The following SLC36A4 variants were observed in gnomAD, a reference collection of about 807,000 sequenced individuals.
The protein encoded by SLC36A4 is neutral amino acid uniporter 4.
A neutral mutation model predicts 50.5 loss-of-function variants in SLC36A4; 49 were observed. That is an observed-to-expected ratio of 0.97 (90% CI 0.77 to 1.23). The LOEUF (loss-of-function observed/expected upper bound fraction) is 1.23, where lower values mean the gene tolerates loss of function less well. Among genes scored for constraint, SLC36A4 ranks in the 50% most tolerant of loss-of-function variants. The pLI is 0.00. For missense variants in SLC36A4, 611 were observed against 608.4 expected, an observed-to-expected ratio of 1.00 and a Z score of -0.05; for synonymous variants, 207 against 206.5, an observed-to-expected ratio of 1.00 and a Z score of -0.02.
intron 2 of SLC36A4, 69 bp downstream of exon 2, chr11:93,185,622 C>T (rs1379385849): frequency 2.9e-6 from 4 of 1,377,000 alleles, no homozygotes; most frequent in African/African-American, 1.5e-5. Context: ...AATGTCTTGC[C>T]TGTAGAAGAA....
chr11:93,171,636 T>C (rs1394179990), intron 6 of SLC36A4: 46 of 152,088 alleles, frequency 3.0e-4, no homozygotes, highest in Non-Finnish European at 1.2e-4. Context: ...ATAGAGCTTG[T>C]AACTCCTTGA....
intron 6 of SLC36A4, among the ~76,000 whole-genome samples, chr11:93,173,023 T>A (rs1416221083): frequency 7.0e-6 from 1 of 143,734 alleles, no homozygotes; most frequent in Non-Finnish European, 1.5e-5. Context: ...ATCGCCACAC[T>A]GACTTCCACA....
At chr11:93,173,226 T>A (rs1236578362) in intron 6 of SLC36A4, among the ~76,000 whole-genome samples, 1 of 150,232 alleles carries the variant, frequency 6.7e-6, no homozygotes, top group Non-Finnish European at 1.5e-5. Context: ...ATGTGTTTTT[T>A]GGCTGCATAA....
At chr11:93,148,959 T>A in intron 10 of SLC36A4, 115 bp from the exon 11 acceptor site, 1 of 1,089,886 alleles carries the variant, frequency 9.2e-7, no homozygotes, top group East Asian at 2.6e-5. Context: ...TAATGAAAGT[T>A]GAACTACTAA....
At chr11:93,155,655 G>A (rs1340265993) in intron 9 of SLC36A4, among the ~76,000 whole-genome samples, 1 of 152,004 alleles carries the variant, frequency 6.6e-6, no homozygotes, top group African/African-American at 2.4e-5. Flanking sequence ...GGGGCTTGTT[G>A]TACAGATTAT....
intron 9 of SLC36A4, chr11:93,159,884 T>G: frequency 1.0e-6 from 1 of 985,414 alleles, no homozygotes; most frequent in Non-Finnish European, 1.2e-6. Context: ...TTTGCCAATC[T>G]GTACCAAAAG....
chr11:93,169,411 C>A (rs75973778), intron 6 of SLC36A4, among the ~76,000 whole-genome samples: 6,307 of 152,154 alleles, frequency 0.041, 186 homozygotes, highest in South Asian at 0.098. Flanking sequence ...GAGGGCCCTG[C>A]CCAAGCGGTC....
intron 3 of SLC36A4, 53 bp from the exon 4 acceptor site, chr11:93,182,947 T>A: frequency 1.5e-6 from 2 of 1,292,588 alleles, no homozygotes; most frequent in Non-Finnish European, 2.2e-6. Flanking sequence ...AATTGAGTAA[T>A]CTTATAAGCA....
At chr11:93,178,381 A>G (rs1590969938) in intron 6 of SLC36A4, among the ~76,000 whole-genome samples, 1 of 151,708 alleles carries the variant, frequency 6.6e-6, no homozygotes, top group Non-Finnish European at 1.5e-5. Flanking sequence ...TTTGGCTCAC[A>G]CTCCATGGGC....
At chr11:93,162,955 G>A in intron 8 of SLC36A4, 80 bp from the exon 9 acceptor site, 1 of 1,335,842 alleles carries the variant, frequency 7.5e-7, no homozygotes, top group Non-Finnish European at 1.0e-6. Context: ...ATACAAATTG[G>A]TTGTTTATAG....
rs908703010 is a variant in SLC36A4 at position 93,190,051 on chromosome 11, C to A, written c.56-4237G>T. Among the ~76,000 whole-genome samples, 3 of 152,134 alleles carry A rather than the reference C, an allele frequency of 2.0e-5. No homozygotes were observed. In the East Asian group the frequency reaches 5.8e-4, roughly 29 times the overall value. The stretch of plus-strand genomic sequence containing the variant: ...CAAACTCACATTGTTTAGCAGCTAT[C>A]ATATTTATTTAACTTTGTTCAACAG... On this transcript the variant is annotated intron_variant, in intron 1 of 10. Coordinates refer to ENST00000326402, the MANE Select transcript of SLC36A4 (RefSeq NM_152313.4).
chr11:93,161,133 C>T (rs903246450), intron 9 of SLC36A4, among the ~76,000 whole-genome samples: 7 of 152,156 alleles, frequency 4.6e-5, no homozygotes, highest in Non-Finnish European at 1.0e-4. Context: ...AGCCACCATA[C>T]CCGGCTCAAA....
intron 9 of SLC36A4, among the ~76,000 whole-genome samples, chr11:93,156,592 G>A (rs1284788527): frequency 6.6e-6 from 1 of 151,768 alleles, no homozygotes; most frequent in Admixed American, 6.6e-5. Context: ...GCTAATTTTT[G>A]TATTTTTAGT....
At chr11:93,197,717 G>A in intron 1 of SLC36A4, 61 bp downstream of exon 1, 1 of 1,533,910 alleles carries the variant, frequency 6.5e-7, no homozygotes, top group Non-Finnish European at 8.8e-7. Context: ...GGGCGCACCC[G>A]ACTCCCGCAC....
chr11:93,177,850 T>G (rs1479674401), intron 6 of SLC36A4, among the ~76,000 whole-genome samples: 1 of 152,192 alleles, frequency 6.6e-6, no homozygotes, highest in Non-Finnish European at 1.5e-5. Flanking sequence ...AGTCTGTCCG[T>G]TCTCAGATCT....
At position 93,144,584 on chromosome 11, in the gene SLC36A4, C is replaced by T. The variant is rs892291976; in HGVS notation, c.*3953G>A. The T allele has an allele frequency of 6.6e-6, 1 of 151,984 alleles. No individual in the cohort carries two copies. Among genetic ancestry groups the T allele is most frequent in the Non-Finnish European group, 1.5e-5 (1 of 67,952 alleles). 9.4% of individuals were successfully genotyped at this position (151,984 alleles called of 1,614,324 possible). ...AATTTTAAGAATCAAGAGTGATTTG[C>T]TATTTCACTTATCATAGGGCAATAA... On this transcript the variant is annotated 3_prime_UTR_variant, in exon 11 of 11. Transcript: ENST00000326402.
intron 6 of SLC36A4, among the ~76,000 whole-genome samples, chr11:93,168,372 C>CCAG (rs1366783384): frequency 1.3e-5 from 2 of 151,846 alleles, no homozygotes; most frequent in Non-Finnish European, 2.9e-5. Context: ...GGATAACTGA[C>CCAG]GTAAGATAAT....
Position 93,185,798 on chromosome 11 carries a change from C to A in SLC36A4, c.72G>T (p.Arg24Ser), listed in dbSNP as rs544433678. The change falls in exon 2 of 11, where the codon AGG becomes AGT. Residue 24 changes from arginine (R) to serine (S), a missense_variant. Coordinates refer to ENST00000326402, the MANE Select transcript of SLC36A4 (RefSeq NM_152313.4). ...CAAAATTCTGCTCATTTATCAAGGG[C>A]CTCATTACATCCATATCTTTAAAAA... ...RREELDMDVM[R>S]PLINEQNFDG... 79 of 1,602,146 alleles carry A rather than the reference C, an allele frequency of 4.9e-5. No individual in the cohort carries two copies. In the South Asian group the frequency reaches 8.6e-4, roughly 17 times the overall value.
intron 6 of SLC36A4, among the ~76,000 whole-genome samples, chr11:93,180,543 A>G (rs1377127696): frequency 6.6e-6 from 1 of 151,942 alleles, no homozygotes; most frequent in Non-Finnish European, 1.5e-5. Context: ...TCAAGTAGCT[A>G]AGAATCAGTA....
Sources: allele counts gnomAD v4.1 joint callset (sites outside exome capture counted in the v4.1 genomes callset), GRCh38; gene constraint gnomAD v4.1.1; transcripts MANE v1.5; gene names NCBI Gene and HGNC (gene_info 2026-07-23, HGNC 2026-07-21).